The following MFN1 variants were observed in gnomAD, a reference collection of about 807,000 sequenced individuals.
MFN1 encodes mitofusin-1.
In MFN1, 65 loss-of-function variants were observed where a neutral mutation model predicts 92.4. That is an observed-to-expected ratio of 0.70 (90% CI 0.58 to 0.86). The LOEUF is 0.86. Ranked by LOEUF, MFN1 falls within the 40% of genes least tolerant of loss-of-function variation. The pLI, the probability that MFN1 is intolerant of heterozygous loss-of-function variation, is 0.00. For synonymous variants in MFN1, 297 were observed against 300.9 expected, an observed-to-expected ratio of 0.99 and a Z score of 0.13; for missense variants, 781 against 868.0, an observed-to-expected ratio of 0.90 and a Z score of 1.26.
In MFN1 at chr3:179,367,822, C is replaced by A. The variant is rs1204804166; in HGVS notation, c.908-214C>A. 5.3e-5 allele frequency among the ~76,000 whole-genome samples: 8 copies of A among 151,544 alleles called. 1 individual carries two copies. The highest frequency in any genetic ancestry group is 1.9e-4 in the African/African-American group (8 of 41,286). ...CCTGTAATCCCAGCTTCTTGGGGGG[C>A]TGAGGCCAGAAAATTGCTTGAACCC... On this transcript the variant is annotated intron_variant, in intron 8 of 17. Coordinates refer to ENST00000471841, the MANE Select transcript of MFN1 (RefSeq NM_033540.3).
chr3:179,375,932 A>G (rs1464106446), intron 10 of MFN1, among the ~76,000 whole-genome samples: 2 of 152,234 alleles, frequency 1.3e-5, no homozygotes, highest in Non-Finnish European at 2.9e-5. Context: ...TACAAAGTAT[A>G]ATTTTCACAA....
chr3:179,385,502 GT>G, intron 14 of MFN1, 66 bp from the exon 15 acceptor site: 1 of 1,440,570 alleles, frequency 6.9e-7, no homozygotes, highest in Non-Finnish European at 9.3e-7. Flanking sequence ...TAATTTTAGA[GT>G]TTTATAAAGA....
intron 6 of MFN1, among the ~76,000 whole-genome samples, 181 bp from the exon 7 acceptor site, chr3:179,364,937 A>AT (rs1050359991): frequency 2.0e-5 from 3 of 152,184 alleles, no homozygotes; most frequent in Non-Finnish European, 4.4e-5. Context: ...TTATAACATG[A>AT]TTTTTTAAAG....
At chr3:179,351,036 CTCAAGGGATCTGCCCACT>C (rs1245024996) in intron 2 of MFN1, among the ~76,000 whole-genome samples, 1 of 152,098 alleles carries the variant, frequency 6.6e-6, no homozygotes, top group East Asian at 1.9e-4. Context: ...AACTCCTGAC[CTCAAGGGATCTGCCCACT>C]TCGGCCTCCC....
chr3:179,372,216 A>G (rs756600905), intron 9 of MFN1, among the ~76,000 whole-genome samples: 6 of 150,750 alleles, frequency 4.0e-5, no homozygotes, highest in African/African-American at 7.3e-5. Flanking sequence ...TATTTGATAT[A>G]TCTAGATGAA....
At chr3:179,375,631 C>T (rs1250931898) in intron 10 of MFN1, among the ~76,000 whole-genome samples, 1 of 152,080 alleles carries the variant, frequency 6.6e-6, no homozygotes, top group African/African-American at 2.4e-5. Flanking sequence ...AGTGGAAGAA[C>T]CATTTCTTCA....
chr3:179,349,017 C>A (rs1050222368), intron 2 of MFN1, 54 bp downstream of exon 2: 2 of 1,428,360 alleles, frequency 1.4e-6, no homozygotes, highest in Non-Finnish European at 1.9e-6. Flanking sequence ...TATAAAAGTG[C>A]TTATTCTTTC....
intron 2 of MFN1, 146 bp from the exon 3 acceptor site, chr3:179,351,754 G>A (rs188724170): frequency 2.5e-5 from 16 of 634,262 alleles, no homozygotes; most frequent in Non-Finnish European, 2.5e-6. Context: ...CCATTGCCAC[G>A]GAGTATGCAC....
At chr3:179,386,257 A>G (rs1169647728) in intron 15 of MFN1, among the ~76,000 whole-genome samples, 176 bp from the exon 16 acceptor site, 1 of 152,186 alleles carries the variant, frequency 6.6e-6, no homozygotes, top group Non-Finnish European at 1.5e-5. Context: ...TTGTGTGCTG[A>G]TCCCTTTTAA....
At position 179,360,373 on chromosome 3, in the gene MFN1, A is replaced by C. The variant is rs73883508; in HGVS notation, c.411+1371A>C. Reference sequence around the variant, plus strand: ...TTGTCTTTTTGAAACAGAATTGCTTAAGAAATTGGGCCCTGGCATCTGTTT... The same window carrying C: ...TTGTCTTTTTGAAACAGAATTGCTTCAGAAATTGGGCCCTGGCATCTGTTT... On this transcript the variant is annotated intron_variant, in intron 4 of 17. Transcript: ENST00000471841. 2.6e-5 allele frequency among the ~76,000 whole-genome samples: 4 copies of C among 152,270 alleles called. 1 individual carries two copies. The highest frequency in any genetic ancestry group is 9.6e-5 in the African/African-American group (4 of 41,532).
chr3:179,348,811 T>C, intron 1 of MFN1, 34 bp from the exon 2 acceptor site: 2 of 1,600,316 alleles, frequency 1.2e-6, no homozygotes, highest in Non-Finnish European at 1.7e-6. Flanking sequence ...TCATCCACTT[T>C]AGTTGGTGCT....
intron 3 of MFN1, among the ~76,000 whole-genome samples, chr3:179,353,158 A>G (rs998649973): frequency 2.0e-5 from 3 of 150,180 alleles, no homozygotes; most frequent in African/African-American, 4.9e-5. Flanking sequence ...GGTTCAAGCA[A>G]TTCTCCTGCC....
chr3:179,358,804 T>C (rs748361895), intron 3 of MFN1, 36 bp from the exon 4 acceptor site: 5 of 1,583,026 alleles, frequency 3.2e-6, no homozygotes, highest in Non-Finnish European at 4.3e-6. Context: ...TTTTTACTGT[T>C]ATGTTTTGTT....
intron 7 of MFN1, among the ~76,000 whole-genome samples, chr3:179,367,119 G>C (rs1014898965): frequency 6.6e-6 from 1 of 152,200 alleles, no homozygotes; most frequent in African/African-American, 2.4e-5. Context: ...ATAAAGACGA[G>C]GTTTCACCAT....
chr3:179,378,357 T>C lies in MFN1; in HGVS notation c.1346T>C (p.Ile449Thr), dbSNP rs1214565897. 1 of 1,601,260 alleles carries C rather than the reference T, an allele frequency of 6.2e-7. No homozygotes were observed. The highest frequency in any genetic ancestry group is 8.5e-7 in the Non-Finnish European group (1 of 1,176,124). Residue 449 changes from isoleucine to threonine, a missense_variant, in exon 13 of 18, where the codon ATA becomes ACA. By Grantham distance (89) the Ile-to-Thr change is moderately conservative. Coordinates refer to ENST00000471841, the MANE Select transcript of MFN1 (RefSeq NM_033540.3). ...TGTTAACAGGAATTAAATAAGCACA[T>C]AGAGGATGGTATGGGAAGAAATTTG... ...KIYKSELNKH[I>T]EDGMGRNLAD...
In MFN1 at chr3:179,365,066, TTATAAA is replaced by T. The variant is rs1307225102; in HGVS notation, c.646-50_646-45del. 131 of 1,032,420 alleles carry T rather than the reference TTATAAA, an allele frequency of 1.3e-4. 4 individuals are homozygous for T. The South Asian group carries it at 2.3e-3, about 18-fold the overall frequency. 64.0% of individuals were successfully genotyped at this position (1,032,420 alleles called of 1,614,324 possible). ...CTTTCTCATTAAAATAAAATTTCAA[TTATAAA>T]TGTAAATTATAGTGAATGTACTGTG... On this transcript the variant is annotated intron_variant, in intron 6 of 17. Coordinates refer to ENST00000471841, the MANE Select transcript of MFN1 (RefSeq NM_033540.3).
At chr3:179,357,888 C>T (rs976054625) in intron 3 of MFN1, among the ~76,000 whole-genome samples, 3 of 152,152 alleles carry the variant, frequency 2.0e-5, no homozygotes, top group East Asian at 1.9e-4. Context: ...GGTGGCTCAA[C>T]AACTGATGGT....
chr3:179,350,050 G>A (rs1329329164), intron 2 of MFN1, among the ~76,000 whole-genome samples: 1 of 152,148 alleles, frequency 6.6e-6, no homozygotes, highest in East Asian at 1.9e-4. Flanking sequence ...TACTCAGGAG[G>A]CTCGAGGAGG....
At chr3:179,379,258 A>G (rs780972371) in intron 14 of MFN1, among the ~76,000 whole-genome samples, 2 of 152,212 alleles carry the variant, frequency 1.3e-5, no homozygotes, top group African/African-American at 2.4e-5. Flanking sequence ...ATGATGCCCC[A>G]CAAGGGGCCA....
Sources: allele counts gnomAD v4.1 joint callset (sites outside exome capture counted in the v4.1 genomes callset), GRCh38; gene constraint gnomAD v4.1.1; transcripts MANE v1.5; gene names NCBI Gene and HGNC (gene_info 2026-07-23, HGNC 2026-07-21).